The following RPN2 variants were observed in gnomAD, a reference collection of about 807,000 sequenced individuals.
The protein encoded by RPN2 is ribophorin II.
RPN2 carries 29 observed loss-of-function variants against 71.4 expected under a neutral mutation model. The ratio of observed to expected loss-of-function variants is 0.41; its 90% CI spans 0.30 to 0.55. The LOEUF is 0.55. RPN2 is among the 20% of genes least tolerant of loss of function. The pLI is 0.35. For missense variants in RPN2, 726 were observed against 774.1 expected, an observed-to-expected ratio of 0.94 and a Z score of 0.74; for synonymous variants, 308 against 305.0, an observed-to-expected ratio of 1.01 and a Z score of -0.10.
intron 9 of RPN2, among the ~76,000 whole-genome samples, chr20:37,217,272 A>ATATTAT (rs751816144): frequency 1.1e-4 from 10 of 89,038 alleles, no homozygotes; most frequent in East Asian, 4.8e-4. Context: ...TGAAAACTAA[A>ATATTAT]TATTATTATT....
At chr20:37,240,686 C>T (rs1304892013) in intron 16 of RPN2, among the ~76,000 whole-genome samples, 4 of 152,184 alleles carry the variant, frequency 2.6e-5, no homozygotes, top group African/African-American at 4.8e-5. Flanking sequence ...GGAAAGGCAG[C>T]GGAGGGGAAA....
At chr20:37,181,214 C>T (rs999293816) in intron 1 of RPN2, among the ~76,000 whole-genome samples, 4 of 149,980 alleles carry the variant, frequency 2.7e-5, no homozygotes, top group Admixed American at 1.3e-4. Context: ...GGCAACAGAG[C>T]GAGACTCTGT....
At chr20:37,199,006 C>T in intron 3 of RPN2, 44 bp from the exon 4 acceptor site, 2 of 1,540,888 alleles carry the variant, frequency 1.3e-6, no homozygotes, top group Non-Finnish European at 1.8e-6. Flanking sequence ...CCACAAATTG[C>T]CAAGACCTGT....
intron 9 of RPN2, among the ~76,000 whole-genome samples, chr20:37,215,060 G>A (rs904575808): frequency 6.6e-6 from 1 of 151,940 alleles, no homozygotes; most frequent in Non-Finnish European, 1.5e-5. Flanking sequence ...TGTTTATAAT[G>A]TAATATATTT....
intron 2 of RPN2, among the ~76,000 whole-genome samples, chr20:37,185,032 C>CA (rs2066977125): frequency 6.6e-6 from 1 of 152,002 alleles, no homozygotes; most frequent in Non-Finnish European, 1.5e-5. Context: ...GGAAGGCACT[C>CA]ACATGTATTA....
At chr20:37,193,848 G>T (rs62208261) in intron 2 of RPN2, among the ~76,000 whole-genome samples, 2,024 of 152,252 alleles carry the variant, frequency 0.013, 15 homozygotes, top group Non-Finnish European at 0.021. Context: ...ACGGGTCTGA[G>T]AATTATCTGC....
intron 2 of RPN2, among the ~76,000 whole-genome samples, chr20:37,193,904 G>A (rs1488400745): frequency 2.6e-5 from 4 of 152,174 alleles, no homozygotes; most frequent in Non-Finnish European, 5.9e-5. Flanking sequence ...GATGGCCTAG[G>A]GAGGCAGGGG....
intron 4 of RPN2, among the ~76,000 whole-genome samples, chr20:37,200,292 C>T (rs540539675): frequency 5.9e-5 from 9 of 152,240 alleles, no homozygotes; most frequent in East Asian, 1.9e-4. Flanking sequence ...CCCGGCTGCC[C>T]AGCTAATTTT....
intron 16 of RPN2, among the ~76,000 whole-genome samples, chr20:37,237,864 A>G (rs2012439): frequency 0.77 from 117,450 of 152,032 alleles, 45,827 homozygotes; most frequent in Middle Eastern, 0.9. Context: ...CTGCTCTGCT[A>G]AGTTCTCTCT....
chr20:37,199,103 C>G lies in RPN2; in HGVS notation c.357C>G (p.Asp119Glu), dbSNP rs144329207. Residue 119 changes from aspartate (D) to glutamate (E), a missense_variant, in exon 4 of 17, where the codon GAC becomes GAG. Physicochemically the swap from Asp to Glu is conservative, Grantham distance 45. Coordinates refer to ENST00000237530, the MANE Select transcript of RPN2 (RefSeq NM_002951.5). The part of the protein sequence containing the change: ...KDLLLAAVSE[D>E]SSVTQIYHAV... ...TGCTTCTGGCAGCTGTCAGTGAGGACTCATCTGTTACCCAGATCTACCATG... is the reference window on the plus strand; with the variant it reads ...TGCTTCTGGCAGCTGTCAGTGAGGAGTCATCTGTTACCCAGATCTACCATG... 1 of 1,613,530 alleles carries G rather than the reference C, an allele frequency of 6.2e-7. No individual in the cohort carries two copies. Among genetic ancestry groups the G allele is most frequent in the East Asian group, 2.2e-5 (1 of 44,880 alleles).
At chr20:37,213,196 C>T (rs1420203131) in intron 8 of RPN2, among the ~76,000 whole-genome samples, 2 of 152,156 alleles carry the variant, frequency 1.3e-5, no homozygotes, top group African/African-American at 2.4e-5. Flanking sequence ...GTAAACTTCT[C>T]AATTTTACAT....
At chr20:37,192,576 C>G (rs975902387) in intron 2 of RPN2, among the ~76,000 whole-genome samples, 4 of 152,136 alleles carry the variant, frequency 2.6e-5, no homozygotes, top group African/African-American at 9.7e-5. Context: ...CTGCTGTGCA[C>G]TAGGTATAGT....
intron 1 of RPN2, among the ~76,000 whole-genome samples, chr20:37,180,667 T>G (rs1169838847): frequency 6.6e-6 from 1 of 152,206 alleles, no homozygotes; most frequent in Non-Finnish European, 1.5e-5. Context: ...CGCTCTCTCT[T>G]AGGTCTTTCT....
chr20:37,213,426 A>G lies in RPN2; in HGVS notation c.987-334A>G, dbSNP rs1299039208. On this transcript the variant is annotated intron_variant, in intron 8 of 16. Coordinates refer to ENST00000237530, the MANE Select transcript of RPN2 (RefSeq NM_002951.5). ...CTTGATCTCAGGACCCTGTCTCTAC[A>G]AAAAACTGCAAAATTATCTGGACGT... Among the ~76,000 whole-genome samples the G allele has an allele frequency of 2.0e-5, 3 of 152,196 alleles. No individual in the cohort carries two copies. The South Asian group carries it at 6.2e-4, about 32-fold the overall frequency.
intron 13 of RPN2, among the ~76,000 whole-genome samples, chr20:37,231,719 A>AAAAAAAG (rs1169489903): frequency 2.4e-4 from 37 of 151,638 alleles, no homozygotes; most frequent in Non-Finnish European, 4.6e-4. Context: ...CTCTTTAAAA[A>AAAAAAAG]AAAGAAAAAG....
At chr20:37,230,490 C>T (rs900223275) in intron 13 of RPN2, among the ~76,000 whole-genome samples, 1 of 152,148 alleles carries the variant, frequency 6.6e-6, no homozygotes, top group African/African-American at 2.4e-5. Context: ...CTGGTCCTGT[C>T]CTGCACGCAG....
Position 37,223,856 on chromosome 20 carries a change from T to A in RPN2, c.1093-22T>A, listed in dbSNP as rs750857139. On this transcript the variant is annotated intron_variant, in intron 9 of 16. Coordinates refer to ENST00000237530, the MANE Select transcript of RPN2 (RefSeq NM_002951.5). ...AACACCCACCAATTGACCTGGCAAC[T>A]GTCTTCTCTATTTTCCTCTAGCTCA... 2.4e-5 allele frequency: 39 copies of A among 1,606,354 alleles called. 3 individuals carry two copies. The South Asian group carries it at 4.3e-4, about 18-fold the overall frequency.
intron 13 of RPN2, among the ~76,000 whole-genome samples, chr20:37,230,941 AG>A (rs1215015823): frequency 6.6e-5 from 10 of 151,930 alleles, no homozygotes; most frequent in Admixed American, 6.6e-4. Context: ...AGAAGAGCAG[AG>A]GTCAAAATTT....
chr20:37,186,803 C>A (rs1381440851), intron 2 of RPN2, among the ~76,000 whole-genome samples: 1 of 152,302 alleles, frequency 6.6e-6, no homozygotes, highest in Non-Finnish European at 1.5e-5. Context: ...TCTCCCCATA[C>A]CATTTATTTG....
Sources: allele counts gnomAD v4.1 joint callset (sites outside exome capture counted in the v4.1 genomes callset), GRCh38; gene constraint gnomAD v4.1.1; transcripts MANE v1.5; gene names NCBI Gene and HGNC (gene_info 2026-07-23, HGNC 2026-07-21).